KCNMA1: variants seen among roughly 807,000 people sequenced by gnomAD.
The protein encoded by KCNMA1 is Calcium-activated potassium channel subunit alpha-1.
In KCNMA1, 29 loss-of-function variants were observed where a neutral mutation model predicts 140.0. The observed-to-expected ratio is 0.21, with a 90% confidence interval of 0.15 to 0.28. The LOEUF (loss-of-function observed/expected upper bound fraction) is 0.28. KCNMA1 is among the 10% of genes least tolerant of loss of function. The pLI is 1.00. For missense variants in KCNMA1, 880 were observed against 1,602.2 expected, an observed-to-expected ratio of 0.55 and a Z score of 7.70; for synonymous variants, 612 against 611.9, an observed-to-expected ratio of 1.00 and a Z score of 0.00.
chr10:77,503,178 G>A (rs1278126856), intron 1 of KCNMA1, among the ~76,000 whole-genome samples: 1 of 152,172 alleles, frequency 6.6e-6, no homozygotes, highest in African/African-American at 2.4e-5. Context: ...AATGTTGCAG[G>A]GATCTGAACT....
In KCNMA1 at chr10:77,405,924, C is replaced by T. The variant is rs553400015; in HGVS notation, c.379-1901G>A. ...GCCACGGCAGGCAGGAAGCTGGTCC[C>T]GATTCCTGCTTCTCTCCCTCTGGCT... is the stretch of plus-strand genomic sequence containing the variant. On this transcript the variant is annotated intron_variant, in intron 1 of 27. Coordinates refer to ENST00000286628, the MANE Select transcript of KCNMA1 (RefSeq NM_001161352.2). 3.9e-5 allele frequency among the ~76,000 whole-genome samples: 6 copies of T among 152,282 alleles called. No homozygotes were observed. In the East Asian group the frequency reaches 9.7e-4, roughly 25 times the overall value.
intron 16 of KCNMA1, chr10:77,019,541 G>A (rs1453492035): frequency 4.8e-6 from 1 of 207,316 alleles, no homozygotes; most frequent in Admixed American, 5.3e-5. Context: ...GACCCCTATA[G>A]ATATACATAA....
chr10:77,540,848 C>CA (rs1050928245), intron 1 of KCNMA1, among the ~76,000 whole-genome samples: 10 of 151,424 alleles, frequency 6.6e-5, no homozygotes, highest in South Asian at 2.1e-4. Context: ...TAAAAATACA[C>CA]AAAAAAAATA....
intron 19 of KCNMA1, among the ~76,000 whole-genome samples, chr10:76,976,051 C>T (rs898100595): frequency 6.6e-6 from 1 of 152,194 alleles, no homozygotes; most frequent in Non-Finnish European, 1.5e-5. Context: ...GATAATTTCA[C>T]AACTTCTAGC....
chr10:77,533,587 T>G (rs1219214558), intron 1 of KCNMA1, among the ~76,000 whole-genome samples: 1 of 152,110 alleles, frequency 6.6e-6, no homozygotes, highest in African/African-American at 2.4e-5. Context: ...TTCCCCAGAT[T>G]TGTGTGCCAG....
intron 2 of KCNMA1, among the ~76,000 whole-genome samples, chr10:77,375,593 C>A (rs1026391864): frequency 5.9e-5 from 9 of 152,222 alleles, no homozygotes; most frequent in African/African-American, 2.2e-4. Context: ...CAAGCCTTTC[C>A]AACTTGATCT....
In KCNMA1 at chr10:77,021,613, C is replaced by T. The variant is rs116760348; in HGVS notation, c.1929-2514G>A. Reference sequence around the variant, plus strand: ...GCTAATTTAGACTGACTTTTGTCTGCACAGTGAAGTATCCTGTGTTCCTTA... The same window carrying T: ...GCTAATTTAGACTGACTTTTGTCTGTACAGTGAAGTATCCTGTGTTCCTTA... On this transcript the variant is annotated intron_variant, in intron 16 of 27. Coordinates refer to ENST00000286628, the MANE Select transcript of KCNMA1 (RefSeq NM_001161352.2). Among the ~76,000 whole-genome samples, 803 of 152,328 alleles carry T rather than the reference C, an allele frequency of 5.3e-3. 8 individuals are homozygous for T. Among genetic ancestry groups the T allele is most frequent in the African/African-American group, 0.018 (767 of 41,586 alleles).
intron 2 of KCNMA1, among the ~76,000 whole-genome samples, chr10:77,307,621 A>G (rs889397089): frequency 3.9e-5 from 6 of 152,096 alleles, no homozygotes; most frequent in Non-Finnish European, 8.8e-5. Flanking sequence ...ATCTTGGCTC[A>G]CTGCAAGCTC....
intron 5 of KCNMA1, among the ~76,000 whole-genome samples, chr10:77,182,679 G>A (rs17482943): frequency 0.25 from 38,253 of 152,014 alleles, 5,059 homozygotes; most frequent in Middle Eastern, 0.32. Flanking sequence ...GTTCTGTTTC[G>A]GCCTGCCTTC....
chr10:77,086,183 C>G (rs1378113282), intron 11 of KCNMA1, among the ~76,000 whole-genome samples: 2 of 152,136 alleles, frequency 1.3e-5, no homozygotes, highest in Non-Finnish European at 2.9e-5. Context: ...GCTACTGGGT[C>G]CATATAACTG....
intron 1 of KCNMA1, among the ~76,000 whole-genome samples, chr10:77,415,086 GA>G (rs1206452541): frequency 6.6e-6 from 1 of 152,172 alleles, no homozygotes; most frequent in African/African-American, 2.4e-5. Flanking sequence ...ACTATGTACG[GA>G]CAGAGAGTTG....
At chr10:77,048,130 A>ATAAATAAATAAATAAATAAT (rs1189354673) in intron 14 of KCNMA1, among the ~76,000 whole-genome samples, 1 of 151,832 alleles carries the variant, frequency 6.6e-6, no homozygotes, top group Non-Finnish European at 1.5e-5. Flanking sequence ...AAATAAATAA[A>ATAAATAAATAAATAAATAAT]TAAGAATTAC....
At chr10:77,511,974 G>A (rs909336338) in intron 1 of KCNMA1, among the ~76,000 whole-genome samples, 1 of 152,210 alleles carries the variant, frequency 6.6e-6, no homozygotes, top group African/African-American at 2.4e-5. Flanking sequence ...TAATGCCAAG[G>A]CAGCAGGGAG....
intron 3 of KCNMA1, among the ~76,000 whole-genome samples, chr10:77,228,938 G>A (rs1431147998): frequency 1.3e-5 from 2 of 152,192 alleles, no homozygotes; most frequent in Non-Finnish European, 1.5e-5. Flanking sequence ...GCATGAATAC[G>A]ACATCACTGG....
At chr10:76,962,457 G>A (rs1431456862) in intron 20 of KCNMA1, among the ~76,000 whole-genome samples, 2 of 152,136 alleles carry the variant, frequency 1.3e-5, no homozygotes, top group Admixed American at 1.3e-4. Flanking sequence ...TTAAAAGGAG[G>A]TGAATTTCTC....
At chr10:77,607,003 G>A (rs2154567288) in intron 1 of KCNMA1, among the ~76,000 whole-genome samples, 1 of 152,266 alleles carries the variant, frequency 6.6e-6, no homozygotes, top group Non-Finnish European at 1.5e-5. Flanking sequence ...CTCAAGTTCA[G>A]ACTCACCCAA....
intron 1 of KCNMA1, among the ~76,000 whole-genome samples, chr10:77,436,227 T>A (rs1476183631): frequency 6.6e-6 from 1 of 152,182 alleles, no homozygotes; most frequent in African/African-American, 2.4e-5. Context: ...CAGGCCCTGC[T>A]CTCAAGCAAC....
rs2154024462 is a variant in KCNMA1 at position 77,141,833 on chromosome 10, C to A, written c.809-20785G>T. Among the ~76,000 whole-genome samples, 3 of 152,340 alleles carry A rather than the reference C, an allele frequency of 2.0e-5. No individual in the cohort carries two copies. The Middle Eastern group carries it at 0.01, about 518-fold the overall frequency. Reference sequence around the variant, plus strand: ...CTATTTTTTCAGACCTCTAGCAAGGCTAAAATTATTGGTAGAATTTTCAAA... The same window carrying A: ...CTATTTTTTCAGACCTCTAGCAAGGATAAAATTATTGGTAGAATTTTCAAA... On this transcript the variant is annotated intron_variant, in intron 5 of 27. Transcript: ENST00000286628.
chr10:77,616,218 A>G (rs564861733), intron 1 of KCNMA1, among the ~76,000 whole-genome samples: 39 of 152,322 alleles, frequency 2.6e-4, no homozygotes, highest in African/African-American at 8.9e-4. Flanking sequence ...CAGAGATGCT[A>G]CATTCCAGCA....
Sources: gnomAD v4.1 joint callset for allele counts (sites outside exome capture counted in the v4.1 genomes callset) on GRCh38, gnomAD v4.1.1 for gene constraint, MANE v1.5 for transcripts, NCBI Gene and HGNC (gene_info 2026-07-23, HGNC 2026-07-21) for gene names.